APLP2: variants seen among roughly 807,000 people sequenced by gnomAD.
APLP2 encodes CDEI box-binding protein.
Under a neutral mutation model 89.9 loss-of-function variants are expected in APLP2, and 53 were observed. The ratio of observed to expected loss-of-function variants is 0.59; its 90% CI spans 0.47 to 0.74. The LOEUF is 0.74. APLP2 is among the 30% of genes least tolerant of loss of function. The pLI, the probability that APLP2 is intolerant of heterozygous loss-of-function variation, is 0.00. For missense variants in APLP2, 973 were observed against 975.9 expected, an observed-to-expected ratio of 1.00 and a Z score of 0.04; for synonymous variants, 372 against 348.6, an observed-to-expected ratio of 1.07 and a Z score of -0.75.
chr11:130,100,781 A>C (rs1946803169), intron 1 of APLP2, among the ~76,000 whole-genome samples: 1 of 152,224 alleles, frequency 6.6e-6, no homozygotes, highest in Admixed American at 6.5e-5. Context: ...GTCTTTTTAC[A>C]CTTGGAGTTT....
At chr11:130,073,578 C>T (rs1421686386) in intron 1 of APLP2, among the ~76,000 whole-genome samples, 1 of 152,234 alleles carries the variant, frequency 6.6e-6, no homozygotes, top group East Asian at 1.9e-4. Context: ...CGCGGTGGCT[C>T]ACGCCTGTAA....
Position 130,143,448 on chromosome 11 carries a change from G to A in APLP2, c.2256G>A (p.Ter752=), listed in dbSNP as rs775596502. The stretch of plus-strand genomic sequence containing the variant: ...AATACCTGGAGCAGATGCAGATTTA[G>A]GTGGCAGGGAGCGCGGCAGCCCTGG... The part of the protein sequence containing the change: ...TYKYLEQMQI[*] The change falls in exon 17 of 17, where the codon TAG becomes TAA. Residue 752 remains the stop codon, a stop_retained_variant. Coordinates refer to ENST00000338167, the MANE Select transcript of APLP2 (RefSeq NM_001142276.2). 2 of 1,613,642 alleles carry A rather than the reference G, an allele frequency of 1.2e-6. No homozygotes were observed. Among genetic ancestry groups the A allele is most frequent in the Non-Finnish European group, 1.7e-6 (2 of 1,179,672 alleles).
intron 1 of APLP2, among the ~76,000 whole-genome samples, chr11:130,077,301 A>G (rs1942305942): frequency 6.6e-6 from 1 of 152,234 alleles, no homozygotes; most frequent in Admixed American, 6.5e-5. Flanking sequence ...AATGTGAAAA[A>G]TTTGACATGA....
rs768813465 is a variant in APLP2 at position 130,109,573 on chromosome 11, AAAG to A, written c.257_259del (p.Glu86del). 1.4e-5 allele frequency: 22 copies of A among 1,613,290 alleles called. No homozygotes were observed. The highest frequency in any genetic ancestry group is 3.3e-5 in the Admixed American group (2 of 59,898). ...AGGCACCAAGAGCTGCTTTGAAACA[AAAG>A]AAGAAGTTCTTCAGTACTGTCAGGA... On this transcript the variant is annotated inframe_deletion, in exon 2 of 17. Transcript: ENST00000338167.
Position 130,109,414 on chromosome 11 carries a change from T to A in APLP2, c.106-15T>A. ...CCTTCTTGGAGTAAACCTGCAATTT[T>A]TTTCCCTTTGGTAGGCTCTTGCAGC... On this transcript the variant is annotated splice_polypyrimidine_tract_variant and intron_variant, in intron 1 of 16. Coordinates refer to ENST00000338167, the MANE Select transcript of APLP2 (RefSeq NM_001142276.2). 6.2e-7 allele frequency: 1 copy of A among 1,604,300 alleles called. No individual in the cohort carries two copies. Among genetic ancestry groups the A allele is most frequent in the Non-Finnish European group, 8.5e-7 (1 of 1,175,606 alleles).
intron 2 of APLP2, 28 bp downstream of exon 2, chr11:130,109,630 T>C (rs1159587177): frequency 7.5e-6 from 12 of 1,592,240 alleles, no homozygotes; most frequent in Non-Finnish European, 1.0e-5. Flanking sequence ...AAGTTGAAAG[T>C]GTTATTTTTC....
At chr11:130,084,439 G>A (rs947258633) in intron 1 of APLP2, among the ~76,000 whole-genome samples, 3 of 152,122 alleles carry the variant, frequency 2.0e-5, no homozygotes, top group Admixed American at 6.5e-5. Context: ...CTAGTATTTT[G>A]TTGACATCCT....
intron 1 of APLP2, among the ~76,000 whole-genome samples, chr11:130,083,577 G>A (rs1943601510): frequency 6.6e-6 from 1 of 152,176 alleles, no homozygotes; most frequent in Non-Finnish European, 1.5e-5. Context: ...GAATCATGCA[G>A]TACTTGTCTT....
chr11:130,140,435 T>G lies in APLP2; in HGVS notation c.1875T>G (p.Gly625=), dbSNP rs2136145822. The change falls in exon 14 of 17, where the codon GGT becomes GGG. Residue 625 remains glycine, a synonymous_variant. Coordinates refer to ENST00000338167, the MANE Select transcript of APLP2 (RefSeq NM_001142276.2). The part of the protein sequence containing the change: ...GVGEQDGGLI[G]AEEKVINSKN... ...GAGAGCAGGATGGGGGACTGATCGG[T>G]GCCGAAGAGAAAGTGATTAACAGTA... 1 of 1,611,720 alleles carries G rather than the reference T, an allele frequency of 6.2e-7. No individual in the cohort carries two copies. Among genetic ancestry groups the G allele is most frequent in the East Asian group, 2.2e-5 (1 of 44,672 alleles).
chr11:130,072,474 CTTTT>C (rs562054930), intron 1 of APLP2, among the ~76,000 whole-genome samples: 3 of 110,290 alleles, frequency 2.7e-5, no homozygotes, highest in Admixed American at 9.6e-5. Context: ...GGAATATCGT[CTTTT>C]TTTTTTTTTT....
At chr11:130,077,384 C>T (rs192396504) in intron 1 of APLP2, among the ~76,000 whole-genome samples, 148 of 152,224 alleles carry the variant, frequency 9.7e-4, no homozygotes, top group African/African-American at 3.5e-3. Context: ...TAGTAAGGAT[C>T]GTTAGTATTT....
intron 1 of APLP2, among the ~76,000 whole-genome samples, chr11:130,094,325 T>TG (rs1261378043): frequency 5.9e-5 from 9 of 152,168 alleles, no homozygotes; most frequent in Admixed American, 6.5e-5. Context: ...AGTGCTGGGA[T>TG]TACAGGTGTG....
chr11:130,121,548 A>C, intron 4 of APLP2, 66 bp from the exon 5 acceptor site: 1 of 1,489,074 alleles, frequency 6.7e-7, no homozygotes, highest in East Asian at 2.4e-5. Context: ...GAGGGTAGAG[A>C]TCGGAGTGTA....
chr11:130,094,111 T>C (rs1565563627), intron 1 of APLP2, among the ~76,000 whole-genome samples: 1 of 140,750 alleles, frequency 7.1e-6, no homozygotes, highest in Non-Finnish European at 1.5e-5. Context: ...TGGAGTGCAA[T>C]GGGGCGATCT....
chr11:130,087,435 T>C (rs1052182399), intron 1 of APLP2, among the ~76,000 whole-genome samples: 1 of 152,172 alleles, frequency 6.6e-6, no homozygotes, highest in Admixed American at 6.5e-5. Context: ...CAGCAGGGGC[T>C]AAGTAGTGGC....
Position 130,144,071 on chromosome 11 carries a change from C to G in APLP2, c.*623C>G, listed in dbSNP as rs905842717. 5 of 152,714 alleles carry G rather than the reference C, an allele frequency of 3.3e-5. No individual in the cohort carries two copies. The highest frequency in any genetic ancestry group is 2.6e-4 in the Admixed American group (4 of 15,320). The allele number at this position is 152,714 out of a possible 1,614,324, so 9.5% of individuals were successfully genotyped here. A position where few individuals can be genotyped will look rare whatever the true frequency, so the allele number is the denominator to read the frequency against. ...ATACCTGTGTGTCTCCATAAAAGTC[C>G]TGTCACCAAGGACGTTAAAGGCATT... On this transcript the variant is annotated 3_prime_UTR_variant, in exon 17 of 17. Coordinates refer to ENST00000338167, the MANE Select transcript of APLP2 (RefSeq NM_001142276.2).
At chr11:130,087,357 C>G (rs945783713) in intron 1 of APLP2, among the ~76,000 whole-genome samples, 12 of 152,278 alleles carry the variant, frequency 7.9e-5, no homozygotes, top group Admixed American at 7.2e-4. Context: ...TAAATATATT[C>G]ATTTCCAAAG....
intron 1 of APLP2, among the ~76,000 whole-genome samples, chr11:130,077,539 CAT>C (rs912962877): frequency 7.9e-5 from 12 of 151,314 alleles, no homozygotes; most frequent in African/African-American, 2.9e-4. Context: ...GATAGTTAAA[CAT>C]GTAAAACAGA....
intron 1 of APLP2, among the ~76,000 whole-genome samples, chr11:130,092,780 G>A (rs894451442): frequency 4.6e-5 from 7 of 151,968 alleles, no homozygotes; most frequent in East Asian, 1.9e-4. Flanking sequence ...TACAGTTAAC[G>A]TATGAATAAA....
Sources: gnomAD v4.1 joint callset for allele counts (sites outside exome capture counted in the v4.1 genomes callset) on GRCh38, gnomAD v4.1.1 for gene constraint, MANE v1.5 for transcripts, NCBI Gene and HGNC (gene_info 2026-07-23, HGNC 2026-07-21) for gene names.